The following EZH1 variants were observed in gnomAD, a reference collection of about 807,000 sequenced individuals.
EZH1 encodes histone-lysine N-methyltransferase EZH1.
A neutral mutation model predicts 100.5 loss-of-function variants in EZH1; 33 were observed. The observed-to-expected ratio is 0.33, with a 90% CI of 0.25 to 0.44. The LOEUF (loss-of-function observed/expected upper bound fraction) is 0.44, where lower values mean the gene tolerates loss of function less well. EZH1 is among the 20% of genes least tolerant of loss of function. EZH1 has a pLI of 1.00. For missense variants in EZH1, 475 were observed against 928.4 expected (o/e 0.51, Z 6.35); for synonymous variants, 272 against 313.8 (o/e 0.87, Z 1.41).
chr17:42,722,798 C>A lies in EZH1; in HGVS notation c.484G>T (p.Glu162Ter), dbSNP rs759344526. The change falls in exon 6 of 21, where the codon GAA becomes TAA. Residue 162 changes from glutamate to a stop codon, truncating the protein, a stop_gained. Transcript: ENST00000428826. LOFTEE classifies it high-confidence loss of function. ...NNYDGKVHGE[E>*]EMIPGSVLIS... ...CCAAGGAGTTCAGTACCACTACCTT[C>A]TTCACCATGGACTTTCCCATCATAG... 1 of 1,613,458 alleles carries A rather than the reference C, an allele frequency of 6.2e-7. No homozygotes were observed. The highest frequency in any genetic ancestry group is 8.5e-7 in the Non-Finnish European group (1 of 1,179,858).
At chr17:42,720,556 T>C in intron 6 of EZH1, 107 bp from the exon 7 acceptor site, 1 of 945,254 alleles carries the variant, frequency 1.1e-6, no homozygotes, top group Non-Finnish European at 1.5e-6. Context: ...ATGTCACATG[T>C]GTACATTTTT....
In EZH1 at chr17:42,738,178, A is replaced by C. The variant is rs867379399; in HGVS notation, c.-103+6833T>G. 7.8e-3 allele frequency among the ~76,000 whole-genome samples: 1,165 copies of C among 149,860 alleles called. 3 individuals are homozygous for C. Among genetic ancestry groups the C allele is most frequent in the African/African-American group, 0.027 (1,102 of 40,904 alleles). ...GCGACAGAGCAAGACTCTGTCTCAA[A>C]AAAAAAAAAAAAAAAAAAATTTAAG... On this transcript the variant is annotated intron_variant, in intron 1 of 20. Transcript: ENST00000428826.
intron 1 of EZH1, among the ~76,000 whole-genome samples, chr17:42,735,286 A>C (rs1047382251): frequency 5.3e-5 from 8 of 151,870 alleles, no homozygotes; most frequent in African/African-American, 1.9e-4. Flanking sequence ...TTAGCAGGCC[A>C]TGTTGGCACA....
At chr17:42,714,590 A>C in intron 10 of EZH1, 1 of 325,296 alleles carries the variant, frequency 3.1e-6, no homozygotes, top group Non-Finnish European at 6.3e-6. Flanking sequence ...CTTAGCAAGC[A>C]GCAGAAAATT....
intron 5 of EZH1, among the ~76,000 whole-genome samples, chr17:42,723,409 T>A (rs985028164): frequency 1.3e-5 from 2 of 150,444 alleles, no homozygotes; most frequent in Admixed American, 1.3e-4. Flanking sequence ...GAGAGACAGA[T>A]GGATAAATAA....
intron 4 of EZH1, among the ~76,000 whole-genome samples, chr17:42,726,343 G>C (rs889471693): frequency 5.9e-4 from 88 of 149,368 alleles, no homozygotes; most frequent in African/African-American, 2.2e-3. Context: ...GGGATTATAG[G>C]CATACACTAC....
Position 42,706,139 on chromosome 17 carries a change from G to A in EZH1, c.1707C>T (p.Thr569=). The A allele has an allele frequency of 6.2e-7, 1 of 1,614,000 alleles. No homozygotes were observed. The highest frequency in any genetic ancestry group is 8.5e-7 in the Non-Finnish European group (1 of 1,179,942). ...CTGCCAGATAGCAAGGACATTGCTTGGTATTGCACTGGGTCTTACAGCGAC... is the reference window on the plus strand; with the variant it reads ...CTGCCAGATAGCAAGGACATTGCTTAGTATTGCACTGGGTCTTACAGCGAC... The part of the protein sequence containing the change: ...PGCRCKTQCN[T]KQCPCYLAVR... Residue 569 remains threonine, a synonymous_variant, in exon 16 of 21, where the codon ACC becomes ACT. Transcript: ENST00000428826. The surrounding 1 kb of genome is among the most constrained non-coding windows in gnomAD (Gnocchi z 4.4).
intron 19 of EZH1, 37 bp downstream of exon 19, chr17:42,703,703 C>A: frequency 6.9e-7 from 1 of 1,439,848 alleles, no homozygotes; most frequent in Non-Finnish European, 9.8e-7. Flanking sequence ...AAGAGGCATC[C>A]ATCCCCCACC....
intron 12 of EZH1, among the ~76,000 whole-genome samples, chr17:42,710,633 T>G (rs111519455): frequency 0.015 from 2,255 of 150,108 alleles, 64 homozygotes; most frequent in East Asian, 0.061. Flanking sequence ...TTGTTTGTTT[T>G]TTTTTTTTTT....
chr17:42,725,367 A>T (rs1007184925), intron 4 of EZH1, among the ~76,000 whole-genome samples: 1 of 151,508 alleles, frequency 6.6e-6, no homozygotes, highest in African/African-American at 2.4e-5. Context: ...CTCCCAGGCT[A>T]AAGCCATCCT....
chr17:42,716,541 T>A (rs578122374), intron 10 of EZH1, among the ~76,000 whole-genome samples: 1 of 152,302 alleles, frequency 6.6e-6, no homozygotes, highest in Non-Finnish European at 1.5e-5. Flanking sequence ...AAGTTAAACA[T>A]GCATACATTT....
At chr17:42,716,733 A>G (rs1391162570) in intron 10 of EZH1, among the ~76,000 whole-genome samples, 6 of 151,696 alleles carry the variant, frequency 4.0e-5, no homozygotes, top group Admixed American at 2.6e-4. Flanking sequence ...GAGTCTCACT[A>G]TCTCACCCAG....
chr17:42,730,416 AATAG>A (rs1273474931), intron 2 of EZH1, among the ~76,000 whole-genome samples: 2 of 152,140 alleles, frequency 1.3e-5, no homozygotes, highest in African/African-American at 2.4e-5. Flanking sequence ...GACATATGGA[AATAG>A]ATAGCAATGC....
intron 12 of EZH1, 143 bp downstream of exon 12, chr17:42,712,144 TCA>T (rs2143751519): frequency 1.2e-6 from 1 of 841,254 alleles, no homozygotes; most frequent in East Asian, 2.6e-5. Flanking sequence ...TTTGGGAAAC[TCA>T]CAGAAGCACA....
chr17:42,734,615 GC>G (rs1247854984), intron 1 of EZH1, among the ~76,000 whole-genome samples: 2 of 150,268 alleles, frequency 1.3e-5, no homozygotes, highest in African/African-American at 4.9e-5. Context: ...GCTGCAGTGA[GC>G]CATGATTGTG....
Position 42,718,163 on chromosome 17 carries a change from A to C in EZH1, c.932-96T>G. 1 of 1,138,840 alleles carries C rather than the reference A, an allele frequency of 8.8e-7. No individual in the cohort carries two copies. Among genetic ancestry groups the C allele is most frequent in the South Asian group, 1.3e-5 (1 of 74,658 alleles). 70.5% of individuals were successfully genotyped at this position (1,138,840 alleles called of 1,614,324 possible). ...TTAGAGAGCTATTGTAGGAGTTAGA[A>C]TTCGATATAAACGGCTACCATCAGG... is the stretch of plus-strand genomic sequence containing the variant. On this transcript the variant is annotated intron_variant, in intron 9 of 20. Coordinates refer to ENST00000428826, the MANE Select transcript of EZH1 (RefSeq NM_001991.5). The surrounding 1 kb of genome is among the most constrained non-coding windows in gnomAD (Gnocchi z 4.2).
intron 6 of EZH1, among the ~76,000 whole-genome samples, chr17:42,721,679 TAA>T (rs879496533): frequency 2.2e-5 from 3 of 134,218 alleles, no homozygotes; most frequent in Admixed American, 1.5e-4. Context: ...ACTAGGGTAA[TAA>T]AAAAAAAAAA....
rs1597833268 is a variant in EZH1 at position 42,713,120 on chromosome 17, G to C, written c.1204+89C>G. ...TAGAAAGAATTTATAATTTTTAAGA[G>C]GTAGTAAAGTTAAGTGTCAGGCAGT... is the stretch of plus-strand genomic sequence containing the variant. On this transcript the variant is annotated intron_variant, in intron 11 of 20. Coordinates refer to ENST00000428826, the MANE Select transcript of EZH1 (RefSeq NM_001991.5). 2.7e-6 allele frequency: 3 copies of C among 1,108,982 alleles called. No individual in the cohort carries two copies. The East Asian group carries it at 8.0e-5, about 29-fold the overall frequency. 68.7% of individuals were successfully genotyped at this position (1,108,982 alleles called of 1,614,324 possible). A position where few individuals can be genotyped will look rare whatever the true frequency, so the allele number is the denominator to read the frequency against.
At position 42,745,018 on chromosome 17, in the gene EZH1, C is replaced by A. The variant is rs1474891934; in HGVS notation, c.-110G>T. ...GCTTGTTTACTCACTCACCCTCCAT[C>A]CCGAGCCGCGGGTCCCGCTGCTAGG... On this transcript the variant is annotated 5_prime_UTR_variant, in exon 1 of 21. Transcript: ENST00000428826. 2 of 1,272,952 alleles carry A rather than the reference C, an allele frequency of 1.6e-6. No individual in the cohort carries two copies. The highest frequency in any genetic ancestry group is 2.0e-6 in the Non-Finnish European group (2 of 982,562). The allele number at this position is 1,272,952 out of a possible 1,614,324, so 78.9% of individuals were successfully genotyped here.
Sources: allele counts gnomAD v4.1 joint callset (sites outside exome capture counted in the v4.1 genomes callset), GRCh38; gene constraint gnomAD v4.1.1; non-coding constraint Gnocchi (gnomAD v3.1); transcripts MANE v1.5; gene names NCBI Gene and HGNC (gene_info 2026-07-23, HGNC 2026-07-21).